Variants in FAM228B observed in about 807,000 individuals in gnomAD.
FAM228B encodes the protein protein FAM228B.
FAM228B carries 38 observed loss-of-function variants against 42.6 expected under a neutral mutation model. The observed-to-expected ratio is 0.89, with a 90% CI of 0.69 to 1.17. The LOEUF is 1.17. FAM228B is among the 50% of genes most tolerant of loss of function. FAM228B has a pLI of 0.00. For synonymous variants in FAM228B, 109 were observed against 122.3 expected (o/e 0.89, Z 0.72); for missense variants, 344 against 367.3 (o/e 0.94, Z 0.52).
At position 24,077,693 on chromosome 2, in the gene FAM228B, T is replaced by C. The variant is rs10209238; in HGVS notation, c.-290+724T>C. 0.14 allele frequency: 218,452 copies of C among 1,613,872 alleles called. 15,905 individuals are homozygous for C. The highest frequency in any genetic ancestry group is 0.17 in the South Asian group (15,783 of 91,064). On this transcript the variant is annotated intron_variant, in intron 1 of 10. Coordinates refer to the FAM228B transcript ENST00000613899. The surrounding 1 kb of genome is among the most constrained non-coding windows in gnomAD (Gnocchi z 5.5). Reference sequence around the variant, plus strand: ...TTCTGTCCAGAACCGGCAGCAGACGTTGGGGGCCCTCCGTGGAGAAGTGAG... The same window carrying C: ...TTCTGTCCAGAACCGGCAGCAGACGCTGGGGGCCCTCCGTGGAGAAGTGAG...
rs1387713399 is a variant in FAM228B at position 24,077,594 on chromosome 2, C to T, written c.-290+625C>T. On this transcript the variant is annotated intron_variant, in intron 1 of 10. Coordinates refer to the FAM228B transcript ENST00000613899. The surrounding 1 kb of genome is among the most constrained non-coding windows in gnomAD (Gnocchi z 5.5). ...CCATCCTCCTTCACTGGGGCAGTTCCAGGACGATCTTGCCTATGTTCTTGT... is the reference window on the plus strand; with the variant it reads ...CCATCCTCCTTCACTGGGGCAGTTCTAGGACGATCTTGCCTATGTTCTTGT... 1 of 1,613,760 alleles carries T rather than the reference C, an allele frequency of 6.2e-7. No homozygotes were observed. Among genetic ancestry groups the T allele is most frequent in the African/African-American group, 1.3e-5 (1 of 74,920 alleles).
rs779151255 is a variant in FAM228B at position 24,138,089 on chromosome 2, G to T, written c.349G>T (p.Val117Leu). ...QGELDGFLKH[V>L]NKKGNAFIEH... ...GGAATTAGATGGCTTTTTAAAACAT[G>T]TAAATAAAAAGGTACTAAGAGATCA... Residue 117 changes from valine to leucine, a missense_variant, in exon 4 of 11, where the codon GTA becomes TTA. Val to Leu is a conservative substitution (Grantham distance 32). Coordinates refer to ENST00000615575, the MANE Select transcript of FAM228B (RefSeq NM_001145710.2). 6.5e-7 allele frequency: 1 copy of T among 1,530,746 alleles called. No individual in the cohort carries two copies. Among genetic ancestry groups the T allele is most frequent in the South Asian group, 1.3e-5 (1 of 79,482 alleles). The allele number at this position is 1,530,746 out of a possible 1,614,324, so 94.8% of individuals were successfully genotyped here.
At chr2:24,155,527 ATATATTTTTTTTTTT>A (rs1255570456) in intron 7 of FAM228B, among the ~76,000 whole-genome samples, 79 of 19,000 alleles carry the variant, frequency 4.2e-3, no homozygotes, top group African/African-American at 0.012. Context: ...ATATATATAT[ATATATTTTTTTTTTT>A]TTTTTTTTTT....
At position 24,148,237 on chromosome 2, in the gene FAM228B, T is replaced by TG. The variant is rs553532460; in HGVS notation, c.686+1152dup. On this transcript the variant is annotated intron_variant, in intron 7 of 10. Coordinates refer to ENST00000615575, the MANE Select transcript of FAM228B (RefSeq NM_001145710.2). ...TCCTTCCTCAGTTTTCAGCTATCCA[T>TG]GCAAGCTGGCATCATAGAAGTGGAG... Among the ~76,000 whole-genome samples, 221 of 152,322 alleles carry TG rather than the reference T, an allele frequency of 1.5e-3. 1 individual carries two copies. Among genetic ancestry groups the TG allele is most frequent in the African/African-American group, 5.1e-3 (211 of 41,580 alleles).
At chr2:24,141,976 T>C (rs556720074) in intron 5 of FAM228B, among the ~76,000 whole-genome samples, 78 of 152,294 alleles carry the variant, frequency 5.1e-4, no homozygotes, top group Admixed American at 1.3e-3. Context: ...GCCCCATTTG[T>C]AGACCCAGCA....
chr2:24,164,015 T>C (rs1238030965), intron 8 of FAM228B, among the ~76,000 whole-genome samples, 183 bp from the exon 9 acceptor site: 1 of 152,160 alleles, frequency 6.6e-6, no homozygotes, highest in Non-Finnish European at 1.5e-5. Flanking sequence ...AAACTATGAC[T>C]AGAGCAAGGC....
intron 2 of FAM228B, among the ~76,000 whole-genome samples, chr2:24,130,209 A>T (rs1458060633): frequency 6.6e-6 from 1 of 152,202 alleles, no homozygotes; most frequent in Non-Finnish European, 1.5e-5. Context: ...CCAGTCTATC[A>T]TTGATGGGCA....
At chr2:24,120,052 T>TGAGGTTG (rs1354988760), upstream of FAM228B, among the ~76,000 whole-genome samples, 10 of 152,110 alleles carry the variant, frequency 6.6e-5, no homozygotes, top group African/African-American at 2.4e-4. Context: ...AAAGATCACC[T>TGAGGTTG]GAGGTTGGAA....
chr2:24,082,779 T>C, intron 2 of FAM228B: 2 of 1,408,694 alleles, frequency 1.4e-6, no homozygotes, highest in Non-Finnish European at 1.9e-6. Context: ...ATACAGGTGA[T>C]ACAGGAAGGC....
chr2:24,167,722 C>CGGA, intron 10 of FAM228B, 39 bp downstream of exon 10: 1 of 1,549,360 alleles, frequency 6.5e-7, no homozygotes, highest in Non-Finnish European at 8.7e-7. Flanking sequence ...CTCTCCTATT[C>CGGA]CTTACCCCTG....
intron 5 of FAM228B, among the ~76,000 whole-genome samples, chr2:24,140,693 G>A (rs1331999485): frequency 2.6e-5 from 4 of 151,994 alleles, no homozygotes; most frequent in Non-Finnish European, 4.4e-5. Flanking sequence ...CGGGCGCAGT[G>A]GCTCATGCCT....
chr2:24,143,220 A>G (rs1008724178), intron 5 of FAM228B, among the ~76,000 whole-genome samples: 11 of 151,872 alleles, frequency 7.2e-5, no homozygotes, highest in East Asian at 3.9e-4. Flanking sequence ...TCGCTCTGTC[A>G]CCCAGGCTGG....
chr2:24,129,967 C>T (rs1318936471), intron 2 of FAM228B, among the ~76,000 whole-genome samples: 1 of 152,174 alleles, frequency 6.6e-6, no homozygotes, highest in Non-Finnish European at 1.5e-5. Context: ...TCCCCTCACC[C>T]CCAGCCCTCG....
rs143715832 is a variant in FAM228B at position 24,082,903 on chromosome 2, G to A, written c.-210+1948G>A. The A allele has an allele frequency of 4.5e-4, 730 of 1,609,954 alleles. 2 individuals are homozygous for A. Among genetic ancestry groups the A allele is most frequent in the Middle Eastern group, 3.5e-3 (17 of 4,904 alleles). ...TCCTCACCCACAAGATGTAACAGCT[G>A]GAAGGCGGTGAGCCAGGCCTCTGGG... On this transcript the variant is annotated intron_variant, in intron 2 of 10. Transcript: ENST00000613899.
chr2:24,079,600 G>A (rs1472232057), intron 1 of FAM228B: 13 of 1,613,900 alleles, frequency 8.1e-6, no homozygotes, highest in Non-Finnish European at 1.1e-5. Flanking sequence ...TCTCCCAGTA[G>A]GATCCGCCTA....
intron 9 of FAM228B, among the ~76,000 whole-genome samples, chr2:24,164,540 CG>C (rs1667355923): frequency 1.3e-4 from 1 of 7,948 alleles, no homozygotes; most frequent in Non-Finnish European, 1.3e-3. Context: ...TGGAGTCACA[CG>C]ATGAGGGTGC....
rs1666917259 is a variant in FAM228B, at chr2:24,147,207, AGAGTCTCACTCT to A, written c.686+124_686+135del. 2.1e-5 allele frequency: 14 copies of A among 663,874 alleles called. No homozygotes were observed. The East Asian group carries it at 4.1e-4, about 19-fold the overall frequency. The allele number at this position is 663,874 out of a possible 1,614,324, so 41.1% of individuals were successfully genotyped here. ...TATCATTTTTCTTTTTTTTTGAGAC[AGAGTCTCACTCT>A]GAAAATTTCATTTTTCAATGAAAAA... On this transcript the variant is annotated intron_variant, in intron 7 of 10. Coordinates refer to ENST00000615575, the MANE Select transcript of FAM228B (RefSeq NM_001145710.2).
chr2:24,102,227 A>G (rs1665622903), intron 3 of FAM228B, among the ~76,000 whole-genome samples: 2 of 152,222 alleles, frequency 1.3e-5, no homozygotes. Context: ...TTACTCAGTC[A>G]CAAGTGTCAC....
chr2:24,166,283 C>T (rs1667411907), intron 9 of FAM228B, among the ~76,000 whole-genome samples: 1 of 151,790 alleles, frequency 6.6e-6, no homozygotes, highest in Non-Finnish European at 1.5e-5. Context: ...CATGGCCTTC[C>T]TCCCCACTCC....
Sources: allele counts gnomAD v4.1 joint callset (sites outside exome capture counted in the v4.1 genomes callset), GRCh38; gene constraint gnomAD v4.1.1; non-coding constraint Gnocchi (gnomAD v3.1); transcripts MANE v1.5; gene names NCBI Gene and HGNC (gene_info 2026-07-23, HGNC 2026-07-21).